SYTL3: variants seen among roughly 807,000 people sequenced by gnomAD.
The protein encoded by SYTL3 is synaptotagmin-like protein 3.
A neutral mutation model predicts 82.1 loss-of-function variants in SYTL3; 88 were observed. The observed-to-expected ratio is 1.07, with a 90% CI of 0.90 to 1.28. SYTL3 has a LOEUF of 1.28. Ranked by LOEUF, SYTL3 falls within the 50% of genes most tolerant of loss-of-function variation. SYTL3 has a pLI of 0.00. For missense variants in SYTL3, 831 were observed against 757.6 expected (o/e 1.10, Z -1.14); for synonymous variants, 311 against 289.4 (o/e 1.07, Z -0.76).
At chr6:158,750,961 A>C (rs111693305) in intron 12 of SYTL3, among the ~76,000 whole-genome samples, 6,303 of 151,978 alleles carry the variant, frequency 0.041, 178 homozygotes, top group South Asian at 0.075. Flanking sequence ...ATGCCTGGCT[A>C]ATTTTTGTAT....
intron 11 of SYTL3, among the ~76,000 whole-genome samples, chr6:158,728,749 G>A (rs1321318997): frequency 2.0e-5 from 3 of 151,514 alleles, no homozygotes; most frequent in African/African-American, 7.3e-5. Flanking sequence ...GACCATCCTG[G>A]CTAACAAGGT....
At chr6:158,647,301 T>G (rs1787541469), upstream of SYTL3, among the ~76,000 whole-genome samples, 1 of 152,234 alleles carries the variant, frequency 6.6e-6, no homozygotes, top group Non-Finnish European at 1.5e-5. Flanking sequence ...AAAGAACATT[T>G]GTTAAATGAT....
At chr6:158,697,698 A>AT (rs35721236) in intron 6 of SYTL3, among the ~76,000 whole-genome samples, 1 of 151,950 alleles carries the variant, frequency 6.6e-6, no homozygotes, top group East Asian at 1.9e-4. Context: ...GCCTATATTC[A>AT]TTTTTTTTAG....
chr6:158,718,322 CAGTA>C lies in SYTL3; in HGVS notation c.720+114_720+117del, dbSNP rs1255968322. On this transcript the variant is annotated intron_variant, in intron 10 of 17. Coordinates refer to ENST00000611299, the MANE Select transcript of SYTL3 (RefSeq NM_001242394.2). ...TGTTTTCTTTGGTTTTATAGAAAAACAGTAAGCCATCAGAAAAACATAATTACCA... is the reference window on the plus strand; with the variant it reads ...TGTTTTCTTTGGTTTTATAGAAAAACAGCCATCAGAAAAACATAATTACCA... 4.1e-6 allele frequency: 5 copies of C among 1,218,696 alleles called. No individual in the cohort carries two copies. The African/African-American group carries it at 4.7e-5, about 11-fold the overall frequency. 75.5% of individuals were successfully genotyped at this position (1,218,696 alleles called of 1,614,324 possible).
chr6:158,677,723 AAAAAAAAG>A (rs1345308926), intron 5 of SYTL3, among the ~76,000 whole-genome samples: 3,844 of 144,648 alleles, frequency 0.027, 178 homozygotes, highest in African/African-American at 0.096. Context: ...AAAAAAAAAA[AAAAAAAAG>A]ACTATTTGAA....
chr6:158,715,627 A>ACACACACACAC (rs1562414100), intron 9 of SYTL3, among the ~76,000 whole-genome samples: 6 of 122,500 alleles, frequency 4.9e-5, no homozygotes, highest in Admixed American at 7.6e-5. Flanking sequence ...GCACGCACCC[A>ACACACACACAC]GCACCCCCCA....
chr6:158,741,465 C>T (rs775793234), intron 11 of SYTL3, among the ~76,000 whole-genome samples: 1 of 152,148 alleles, frequency 6.6e-6, no homozygotes, highest in Non-Finnish European at 1.5e-5. Flanking sequence ...TGGCTGCAGG[C>T]GTTTCAATTT....
intron 11 of SYTL3, among the ~76,000 whole-genome samples, chr6:158,738,885 T>G (rs1786546306): frequency 6.6e-6 from 1 of 152,240 alleles, no homozygotes; most frequent in African/African-American, 2.4e-5. Context: ...CTTGAACTCT[T>G]GACCTCTAGC....
At chr6:158,742,184 AT>A (rs140850377) in intron 11 of SYTL3, among the ~76,000 whole-genome samples, 3,617 of 151,934 alleles carry the variant, frequency 0.024, 67 homozygotes, top group Non-Finnish European at 0.036. Context: ...TAGCAAAAAA[AT>A]AAATAAAGCG....
intron 6 of SYTL3, 79 bp downstream of exon 6, chr6:158,683,068 T>G: frequency 9.3e-7 from 1 of 1,080,966 alleles, no homozygotes; most frequent in East Asian, 2.6e-5. Context: ...GACTTTGGAA[T>G]ATAAGCAACA....
rs193074677 is a variant in SYTL3, at chr6:158,737,991, A to G, written c.856-7489A>G. 3.7e-4 allele frequency among the ~76,000 whole-genome samples: 56 copies of G among 152,312 alleles called. No homozygotes were observed. The East Asian group carries it at 0.011, about 29-fold the overall frequency. On this transcript the variant is annotated intron_variant, in intron 11 of 17. Coordinates refer to ENST00000611299, the MANE Select transcript of SYTL3 (RefSeq NM_001242394.2). ...CCTTGACCTTCGTTTATCTACTTAT[A>G]AAATGATGAGTAATGACAATGCTTC...
intron 13 of SYTL3, among the ~76,000 whole-genome samples, chr6:158,753,603 G>A (rs1391301812): frequency 2.6e-5 from 4 of 151,716 alleles, no homozygotes; most frequent in South Asian, 2.1e-4. Context: ...GGTGGCGGGC[G>A]CCTGTAGTCC....
intron 12 of SYTL3, 53 bp from the exon 13 acceptor site, chr6:158,751,875 A>G (rs1788430340): frequency 1.5e-6 from 2 of 1,366,248 alleles, no homozygotes. Flanking sequence ...CAAACTCTTT[A>G]TCCACCCCTT....
chr6:158,753,729 CA>C (rs11419212), intron 13 of SYTL3, among the ~76,000 whole-genome samples: 106 of 109,706 alleles, frequency 9.7e-4, no homozygotes, highest in East Asian at 4.8e-3. Flanking sequence ...GACTCCGTCT[CA>C]AAAAAAAAAA....
intron 5 of SYTL3, among the ~76,000 whole-genome samples, chr6:158,675,817 G>A (rs756387687): frequency 6.6e-6 from 1 of 152,188 alleles, no homozygotes; most frequent in African/African-American, 2.4e-5. Flanking sequence ...GGGCGCGGTG[G>A]TGGGCACCTG....
chr6:158,753,072 CTTTTCT>C (rs1426016750), intron 13 of SYTL3, among the ~76,000 whole-genome samples: 5 of 131,316 alleles, frequency 3.8e-5, no homozygotes, highest in Middle Eastern at 3.8e-3. Context: ...AACATTTCTT[CTTTTCT>C]TTTTTTTTTT....
intron 5 of SYTL3, among the ~76,000 whole-genome samples, chr6:158,678,062 G>C (rs151207415): frequency 6.6e-6 from 1 of 152,064 alleles, no homozygotes; most frequent in Non-Finnish European, 1.5e-5. Flanking sequence ...GCTGATTTTT[G>C]TATTTTTGGT....
rs749669847 is a variant in SYTL3 at position 158,760,661 on chromosome 6, G to A, written c.1330G>A (p.Val444Ile). The A allele has an allele frequency of 1.2e-5, 20 of 1,613,910 alleles. No individual in the cohort carries two copies. Among genetic ancestry groups the A allele is most frequent in the East Asian group, 2.2e-5 (1 of 44,878 alleles). ...CCAGGCGGAGAAATACGAAGACAGC[G>A]TTCCTCAGAGTAATGGAGAGCTCAC... ...RAKAEKYEDS[V>I]PQSNGELTVR... The change falls in exon 15 of 18, where the codon GTT becomes ATT. Residue 444 changes from valine (V) to isoleucine (I), a missense_variant. Val to Ile is a conservative substitution (Grantham distance 29). Transcript: ENST00000611299.
At chr6:158,730,140 C>T (rs1255376632) in intron 11 of SYTL3, among the ~76,000 whole-genome samples, 1 of 152,218 alleles carries the variant, frequency 6.6e-6, no homozygotes, top group Non-Finnish European at 1.5e-5. Flanking sequence ...TTTTCTAAGT[C>T]CTTTTGCAAG....
Sources: gnomAD v4.1 joint callset for allele counts (sites outside exome capture counted in the v4.1 genomes callset) on GRCh38, gnomAD v4.1.1 for gene constraint, MANE v1.5 for transcripts, NCBI Gene and HGNC (gene_info 2026-07-23, HGNC 2026-07-21) for gene names.